The following RGS3 variants were observed in gnomAD, a reference collection of about 807,000 sequenced individuals.
RGS3 encodes the protein regulator of G protein signaling 3, also known as regulator of G-protein signalling 3.
Under a neutral mutation model 132.6 loss-of-function variants are expected in RGS3, and 80 were observed. The observed-to-expected ratio is 0.60, with a 90% CI of 0.50 to 0.73. The LOEUF (loss-of-function observed/expected upper bound fraction) is 0.73, where lower values mean the gene tolerates loss of function less well. RGS3 is among the 30% of genes least tolerant of loss of function. The pLI is 0.00. For missense variants in RGS3, 1,382 were observed against 1,530.8 expected (o/e 0.90, Z 1.62); for synonymous variants, 598 against 620.6 (o/e 0.96, Z 0.54).
At chr9:113,590,176 G>A (rs1181260554) in intron 20 of RGS3, among the ~76,000 whole-genome samples, 4 of 152,178 alleles carry the variant, frequency 2.6e-5, no homozygotes, top group Non-Finnish European at 4.4e-5. Context: ...TACATGCTGG[G>A]TCTCCTTGGG....
At chr9:113,594,050 T>C (rs778142704) in intron 21 of RGS3, 2 of 1,613,014 alleles carry the variant, frequency 1.2e-6, no homozygotes, top group Non-Finnish European at 1.7e-6. Context: ...GAATTTTTTT[T>C]TCCGCTCCCC....
intron 19 of RGS3, chr9:113,541,514 C>G: frequency 1.3e-6 from 2 of 1,552,318 alleles, no homozygotes; most frequent in Non-Finnish European, 1.7e-6. Context: ...CTCAACTGGA[C>G]CTGAAACAGA....
chr9:113,522,853 C>T, intron 16 of RGS3, 77 bp from the exon 15 acceptor site: 1 of 923,958 alleles, frequency 1.1e-6, no homozygotes. Context: ...GGCTCCCCAC[C>T]TTCTCGGGGA....
At chr9:113,557,283 G>A (rs1180604639) in intron 19 of RGS3, among the ~76,000 whole-genome samples, 2 of 152,244 alleles carry the variant, frequency 1.3e-5, no homozygotes, top group Non-Finnish European at 2.9e-5. Context: ...ATTTACTTAG[G>A]TGTTGGCTCA....
At chr9:113,448,835 C>T (rs1332207271) in intron 1 of RGS3, among the ~76,000 whole-genome samples, 1 of 152,150 alleles carries the variant, frequency 6.6e-6, no homozygotes, top group Admixed American at 6.5e-5. Context: ...GAAAGAACTA[C>T]AGTGATGAGA....
intron 17 of RGS3, among the ~76,000 whole-genome samples, chr9:113,525,539 T>A (rs1832162594): frequency 6.6e-6 from 1 of 152,250 alleles, no homozygotes; most frequent in South Asian, 2.1e-4. Context: ...GTTGGCAGAA[T>A]GGTCTCTGAT....
intron 3 of RGS3, among the ~76,000 whole-genome samples, chr9:113,469,721 A>G (rs1398889368): frequency 4.0e-5 from 6 of 151,888 alleles, no homozygotes; most frequent in African/African-American, 7.3e-5. Context: ...TCTAATTTTC[A>G]TTGTCATTTC....
intron 23 of RGS3, among the ~76,000 whole-genome samples, chr9:113,595,291 CA>C (rs1490201281): frequency 6.6e-6 from 1 of 152,228 alleles, no homozygotes; most frequent in African/African-American, 2.4e-5. Flanking sequence ...TTCACGGCGC[CA>C]AATGTGCCTG....
chr9:113,491,754 A>G (rs1035762001), intron 7 of RGS3, among the ~76,000 whole-genome samples: 8 of 151,998 alleles, frequency 5.3e-5, no homozygotes, highest in Non-Finnish European at 1.0e-4. Flanking sequence ...GGGTTTCACC[A>G]TGTTGGCCAG....
At chr9:113,485,604 A>G (rs1316850063) in intron 6 of RGS3, 21 bp from the exon 5 acceptor site, 1 of 1,583,288 alleles carries the variant, frequency 6.3e-7, no homozygotes, top group South Asian at 1.2e-5. Context: ...TAACACTCCG[A>G]TGGTCTGATT....
Position 113,451,926 on chromosome 9 carries a change from ATCTT to A in RGS3, c.-13+7001_-13+7004del, listed in dbSNP as rs530928976. On this transcript the variant is annotated intron_variant, in intron 1 of 25. Transcript: ENST00000374140. Reference sequence around the variant, plus strand: ...GTCAGCTTTTGTAAGTCTGAAAAAAATCTTTATTTTACCTTCATTTTTGGAAGAT... The same window carrying A: ...GTCAGCTTTTGTAAGTCTGAAAAAAATATTTTACCTTCATTTTTGGAAGAT... Among the ~76,000 whole-genome samples, 206 of 152,170 alleles carry A rather than the reference ATCTT, an allele frequency of 1.4e-3. 1 individual carries two copies. Among genetic ancestry groups the A allele is most frequent in the Middle Eastern group, 6.8e-3 (2 of 294 alleles).
intron 22 of RGS3, 47 bp downstream of exon 20, chr9:113,594,578 TC>T (rs148080000): frequency 0.082 from 121,414 of 1,483,862 alleles, 5,976 homozygotes; most frequent in Non-Finnish European, 0.09. Flanking sequence ...ACTCACTGGC[TC>T]CCCGGGGAGT....
At chr9:113,474,025 C>T (rs1380845421) in intron 3 of RGS3, among the ~76,000 whole-genome samples, 1 of 152,138 alleles carries the variant, frequency 6.6e-6, no homozygotes, top group East Asian at 1.9e-4. Flanking sequence ...CCAGCTTGCC[C>T]AGGACGGACC....
chr9:113,471,864 C>G (rs1248602972), intron 3 of RGS3, among the ~76,000 whole-genome samples: 1 of 152,116 alleles, frequency 6.6e-6, no homozygotes, highest in East Asian at 1.9e-4. Context: ...CTTGAGCTTC[C>G]TTATTATGTG....
At chr9:113,487,038 G>GCAATTGCTGACTGGGTGCTGAC (rs1299971669) in intron 7 of RGS3, among the ~76,000 whole-genome samples, 1 of 144,492 alleles carries the variant, frequency 6.9e-6, no homozygotes, top group Admixed American at 7.1e-5. Flanking sequence ...AATAACAATA[G>GCAATTGCTGACTGGGTGCTGAC]CAATTGCTGA....
chr9:113,546,960 A>T (rs548885773), intron 19 of RGS3, among the ~76,000 whole-genome samples: 1 of 152,350 alleles, frequency 6.6e-6, no homozygotes, highest in African/African-American at 2.4e-5. Flanking sequence ...TTTACCAAGA[A>T]AAATGAGGGA....
chr9:113,561,640 T>C (rs1456084681), intron 19 of RGS3, among the ~76,000 whole-genome samples: 1 of 151,184 alleles, frequency 6.6e-6, no homozygotes, highest in East Asian at 1.9e-4. Flanking sequence ...CAGGCTGGTC[T>C]TGACCTCCTG....
In RGS3 at chr9:113,507,708, C is replaced by G; in HGVS notation, c.1437+70C>G. 1 of 1,298,708 alleles carries G rather than the reference C, an allele frequency of 7.7e-7. No homozygotes were observed. Among genetic ancestry groups the G allele is most frequent in the Middle Eastern group, 2.1e-4 (1 of 4,778 alleles). 80.4% of individuals were successfully genotyped at this position (1,298,708 alleles called of 1,614,324 possible). On this transcript the variant is annotated intron_variant, in intron 13 of 24. Transcript: ENST00000350696. The surrounding 1 kb of genome is among the most constrained non-coding windows in gnomAD (Gnocchi z 5.0). ...GTGGGAGGCCAGGAAGACTTGAAGA[C>G]CCAAAGTTGTGTGATGAGCAGCCTG... is the stretch of plus-strand genomic sequence containing the variant.
intron 19 of RGS3, among the ~76,000 whole-genome samples, chr9:113,571,831 T>C (rs1031456632): frequency 2.6e-5 from 4 of 152,244 alleles, no homozygotes; most frequent in Admixed American, 2.0e-4. Flanking sequence ...TTTAGATGTT[T>C]TATGTTTCAT....
Sources: gnomAD v4.1 joint callset for allele counts (sites outside exome capture counted in the v4.1 genomes callset) on GRCh38, gnomAD v4.1.1 for gene constraint, Gnocchi (gnomAD v3.1) non-coding constraint, MANE v1.5 for transcripts, NCBI Gene and HGNC (gene_info 2026-07-23, HGNC 2026-07-21) for gene names.